Variants in PALS1 observed in about 807,000 individuals in gnomAD.
The protein encoded by PALS1 is protein associated with LIN7 1, MAGUK p55 family member.
A neutral mutation model predicts 78.9 loss-of-function variants in PALS1; 31 were observed. The observed-to-expected ratio is 0.39, with a 90% CI of 0.30 to 0.53. The LOEUF is 0.53. PALS1 is among the 20% of genes least tolerant of loss of function. The pLI is 0.67. For missense variants in PALS1, 704 were observed against 826.5 expected (o/e 0.85, Z 1.82); for synonymous variants, 276 against 270.9 (o/e 1.02, Z -0.18).
At chr14:67,273,650 G>A (rs1434453570) in intron 2 of PALS1, among the ~76,000 whole-genome samples, 1 of 152,114 alleles carries the variant, frequency 6.6e-6, no homozygotes, top group Non-Finnish European at 1.5e-5. Context: ...TAATGGGATG[G>A]CTGGGTCAAA....
chr14:67,313,704 G>T (rs2085128217), intron 9 of PALS1, among the ~76,000 whole-genome samples: 1 of 152,062 alleles, frequency 6.6e-6, no homozygotes, highest in Non-Finnish European at 1.5e-5. Context: ...ACCATGTAAA[G>T]CACTTTGCCT....
chr14:67,317,707 T>C (rs2085199003), intron 11 of PALS1, among the ~76,000 whole-genome samples: 2 of 152,200 alleles, frequency 1.3e-5, no homozygotes, highest in African/African-American at 4.8e-5. Context: ...TTCCTGTAGT[T>C]TTTTTCTACT....
At chr14:67,264,696 G>A (rs1306040480) in intron 1 of PALS1, among the ~76,000 whole-genome samples, 1 of 152,012 alleles carries the variant, frequency 6.6e-6, no homozygotes, top group Non-Finnish European at 1.5e-5. Context: ...TTTTTTTCGA[G>A]CTCTTTTGTC....
chr14:67,277,803 A>G (rs967400797), intron 2 of PALS1, among the ~76,000 whole-genome samples: 3 of 152,122 alleles, frequency 2.0e-5, no homozygotes, highest in Non-Finnish European at 2.9e-5. Context: ...CTCATGTGAA[A>G]CTCAGAACTG....
chr14:67,309,327 T>C (rs145183642), intron 8 of PALS1, among the ~76,000 whole-genome samples: 221 of 152,288 alleles, frequency 1.5e-3, no homozygotes, highest in African/African-American at 5.1e-3. Context: ...TCATATAGTA[T>C]CTGTTAAGGC....
chr14:67,320,465 T>C, intron 12 of PALS1, 68 bp downstream of exon 12: 1 of 1,395,586 alleles, frequency 7.2e-7, no homozygotes, highest in Non-Finnish European at 9.5e-7. Context: ...AACTATATCA[T>C]GTAGGGAAAT....
intron 10 of PALS1, 24 bp from the exon 11 acceptor site, chr14:67,317,384 G>C: frequency 6.3e-7 from 1 of 1,584,036 alleles, no homozygotes; most frequent in East Asian, 2.2e-5. Flanking sequence ...CACATTTATA[G>C]TTATGTTTAT....
intron 3 of PALS1, among the ~76,000 whole-genome samples, chr14:67,291,297 C>T (rs2084769181): frequency 6.7e-6 from 1 of 149,384 alleles, no homozygotes; most frequent in South Asian, 2.1e-4. Context: ...GGTGTGATCT[C>T]GGCTCACTGC....
At position 67,335,186 on chromosome 14, in the gene PALS1, G is replaced by A. The variant is rs1413323074; in HGVS notation, c.*2230G>A. On this transcript the variant is annotated 3_prime_UTR_variant, in exon 15 of 15. Transcript: ENST00000261681. ...CTCCCCTTCCTCATCAGCAATGGTA[G>A]ATAGAAATGTCCTAAACTTTTCTAA... is the stretch of plus-strand genomic sequence containing the variant. The A allele has an allele frequency of 6.6e-6, 1 of 152,214 alleles. No individual in the cohort carries two copies. Among genetic ancestry groups the A allele is most frequent in the African/African-American group, 2.4e-5 (1 of 41,458 alleles). The allele number at this position is 152,214 out of a possible 1,614,324, so 9.4% of individuals were successfully genotyped here.
chr14:67,244,298 ATG>A lies in PALS1; in HGVS notation c.-237+2769_-237+2770del, dbSNP rs1417104804. On this transcript the variant is annotated intron_variant, in intron 1 of 14. Transcript: ENST00000261681. ...GTGGAATTGCTGATAATAGGTTGAT[ATG>A]TGTTTTCAACATTACTAGCTACAGC... Among the ~76,000 whole-genome samples the A allele has an allele frequency of 1.3e-5, 2 of 152,204 alleles. 1 individual carries two copies. Among genetic ancestry groups the A allele is most frequent in the Middle Eastern group, 6.3e-3 (2 of 316 alleles).
chr14:67,332,340 G>T (rs971461376), intron 14 of PALS1, among the ~76,000 whole-genome samples: 1 of 152,094 alleles, frequency 6.6e-6, no homozygotes, highest in Admixed American at 6.5e-5. Context: ...ATAGGGCAAG[G>T]GCTCTTTACT....
chr14:67,310,895 C>G (rs1416015872), intron 8 of PALS1, among the ~76,000 whole-genome samples: 1 of 152,162 alleles, frequency 6.6e-6, no homozygotes. Flanking sequence ...TATAGTCTGT[C>G]ATCGACAGTA....
intron 1 of PALS1, among the ~76,000 whole-genome samples, chr14:67,243,888 A>C (rs188402505): frequency 1.2e-4 from 19 of 152,288 alleles, no homozygotes; most frequent in Admixed American, 1.2e-3. Context: ...TTCATTTTCC[A>C]TGAAAAAGAA....
intron 12 of PALS1, among the ~76,000 whole-genome samples, chr14:67,320,691 G>A (rs2140992049): frequency 6.6e-6 from 1 of 150,536 alleles, no homozygotes; most frequent in South Asian, 2.1e-4. Context: ...TGATACAGAA[G>A]ATAGAAACTT....
intron 3 of PALS1, among the ~76,000 whole-genome samples, chr14:67,289,424 A>C (rs2084738105): frequency 6.6e-6 from 1 of 152,162 alleles, no homozygotes; most frequent in East Asian, 1.9e-4. Context: ...CCTTATATGC[A>C]AATACTCCAC....
chr14:67,296,831 C>T (rs1168851397), intron 4 of PALS1, among the ~76,000 whole-genome samples: 1 of 152,074 alleles, frequency 6.6e-6, no homozygotes, highest in Non-Finnish European at 1.5e-5. Flanking sequence ...ACCTCCTGGG[C>T]TCAAGCAGTC....
Position 67,302,498 on chromosome 14 carries a change from A to G in PALS1, c.890A>G (p.Glu297Gly). 6.3e-7 allele frequency: 1 copy of G among 1,597,488 alleles called. No individual in the cohort carries two copies. The highest frequency in any genetic ancestry group is 1.1e-5 in the South Asian group (1 of 88,274). ...GAAEKSGLLHEGDEVLEINGI... is the reference protein window; with the variant it reads ...GAAEKSGLLHGGDEVLEINGI... ...GCAGAGAAAAGTGGTCTGTTGCATG[A>G]AGGAGATGAAGTTCTAGAGATTAAT... Residue 297 changes from glutamate (E) to glycine (G), a missense_variant, in exon 7 of 15, where the codon GAA becomes GGA. By Grantham distance (98) the Glu-to-Gly change is moderately conservative. Transcript: ENST00000261681.
chr14:67,301,008 A>T (rs2140887607), intron 4 of PALS1, among the ~76,000 whole-genome samples: 1 of 152,258 alleles, frequency 6.6e-6, no homozygotes, highest in East Asian at 1.9e-4. Flanking sequence ...TAACTCTTTA[A>T]GTTGTCATCT....
At chr14:67,242,900 AATAT>A (rs993573194) in intron 1 of PALS1, among the ~76,000 whole-genome samples, 3 of 152,286 alleles carry the variant, frequency 2.0e-5, no homozygotes, top group African/African-American at 7.2e-5. Flanking sequence ...AACGGGAGAG[AATAT>A]ATAAGTTCTA....
Sources: allele counts gnomAD v4.1 joint callset (sites outside exome capture counted in the v4.1 genomes callset), GRCh38; gene constraint gnomAD v4.1.1; transcripts MANE v1.5; gene names NCBI Gene and HGNC (gene_info 2026-07-23, HGNC 2026-07-21).